The following AQR variants were observed in gnomAD, a reference collection of about 807,000 sequenced individuals.
AQR encodes the protein RNA helicase aquarius.
AQR carries 61 observed loss-of-function variants against 180.5 expected under a neutral mutation model. The ratio of observed to expected loss-of-function variants is 0.34; its 90% CI spans 0.28 to 0.42. The LOEUF (loss-of-function observed/expected upper bound fraction) is 0.42, where lower values mean the gene tolerates loss of function less well. AQR is among the 10% of genes least tolerant of loss of function. AQR has a pLI of 1.00. For missense variants in AQR, 1,281 were observed against 1,798.3 expected, an observed-to-expected ratio of 0.71 and a Z score of 5.20; for synonymous variants, 551 against 588.8, an observed-to-expected ratio of 0.94 and a Z score of 0.93.
chr15:34,882,185 G>T (rs1892981116), intron 27 of AQR, among the ~76,000 whole-genome samples: 1 of 151,572 alleles, frequency 6.6e-6, no homozygotes, highest in African/African-American at 2.4e-5. Context: ...TTTTTAATTA[G>T]GTGAATTTTA....
chr15:34,895,480 C>G (rs539154713), intron 22 of AQR, among the ~76,000 whole-genome samples: 2 of 151,526 alleles, frequency 1.3e-5, no homozygotes, highest in South Asian at 4.2e-4. Flanking sequence ...TCAAATATAA[C>G]GACAAGTAGA....
rs181184879 is a variant in AQR at position 34,928,182 on chromosome 15, G to T, written c.1015-1044C>A. On this transcript the variant is annotated intron_variant, in intron 12 of 34. Coordinates refer to ENST00000156471, the MANE Select transcript of AQR (RefSeq NM_014691.3). The stretch of plus-strand genomic sequence containing the variant: ...TCTCCACATACCTAGTAGGAAAGAA[G>T]AAAAACAGAGATTTTTTTTTTTCAC... Among the ~76,000 whole-genome samples, 131 of 151,978 alleles carry T rather than the reference G, an allele frequency of 8.6e-4. 1 individual carries two copies. The highest frequency in any genetic ancestry group is 5.8e-3 in the South Asian group (28 of 4,806).
At chr15:34,906,400 C>T in intron 18 of AQR, 145 bp downstream of exon 18, 4 of 925,124 alleles carry the variant, frequency 4.3e-6, no homozygotes, top group Non-Finnish European at 6.3e-6. Context: ...CGGTAGGTAC[C>T]CTACACATAT....
At chr15:34,924,919 T>TAA (rs34745223) in intron 13 of AQR, among the ~76,000 whole-genome samples, 4 of 134,012 alleles carry the variant, frequency 3.0e-5, no homozygotes, top group Non-Finnish European at 6.3e-5. Flanking sequence ...AAGCTAAATG[T>TAA]AAAAAAAAAA....
chr15:34,931,113 G>A (rs974798882), intron 11 of AQR, among the ~76,000 whole-genome samples: 2 of 152,150 alleles, frequency 1.3e-5, no homozygotes, highest in Admixed American at 1.3e-4. Flanking sequence ...TGGGATTACA[G>A]GAGTGAGCCA....
intron 30 of AQR, among the ~76,000 whole-genome samples, chr15:34,873,454 T>A (rs1892850603): frequency 6.6e-6 from 1 of 152,074 alleles, no homozygotes; most frequent in African/African-American, 2.4e-5. Context: ...TAAAACAATT[T>A]ATGAGTTCTA....
At chr15:34,874,656 T>G (rs1184554265) in intron 29 of AQR, 21 bp downstream of exon 29, 1 of 1,611,328 alleles carries the variant, frequency 6.2e-7, no homozygotes, top group African/African-American at 1.3e-5. Context: ...TGGGAATGAT[T>G]TTTTTTCCTG....
intron 10 of AQR, 47 bp from the exon 11 acceptor site, chr15:34,932,481 C>T: frequency 1.5e-6 from 2 of 1,327,352 alleles, no homozygotes; most frequent in Non-Finnish European, 2.1e-6. Flanking sequence ...CTATTCTCCA[C>T]AGCTAGAAGT....
chr15:34,950,058 C>T lies in AQR; in HGVS notation c.210-1674G>A, dbSNP rs367940056. On this transcript the variant is annotated intron_variant, in intron 4 of 34. Coordinates refer to ENST00000156471, the MANE Select transcript of AQR (RefSeq NM_014691.3). ...TACCTTATTTTCCTTTCGTATTTTTCATTTTTACTTCTCTTTGCTATTTTC... is the reference window on the plus strand; with the variant it reads ...TACCTTATTTTCCTTTCGTATTTTTTATTTTTACTTCTCTTTGCTATTTTC... 1.4e-4 allele frequency among the ~76,000 whole-genome samples: 20 copies of T among 138,530 alleles called. No homozygotes were observed. The East Asian group carries it at 4.1e-3, about 28-fold the overall frequency. The allele number at this position is 138,530 out of a possible 152,430, so 90.9% of individuals were successfully genotyped here.
chr15:34,865,769 T>C (rs1892731005), intron 32 of AQR, among the ~76,000 whole-genome samples: 2 of 152,312 alleles, frequency 1.3e-5, no homozygotes, highest in South Asian at 2.1e-4. Flanking sequence ...ACAATGAACC[T>C]TGAACATATG....
intron 4 of AQR, among the ~76,000 whole-genome samples, chr15:34,951,531 C>T (rs146861063): frequency 0.053 from 8,011 of 152,062 alleles, 322 homozygotes; most frequent in African/African-American, 0.11. Context: ...ATTAGCCAGG[C>T]GTGATGGCGC....
chr15:34,915,835 A>T (rs71464885), intron 15 of AQR, among the ~76,000 whole-genome samples: 4 of 151,880 alleles, frequency 2.6e-5, no homozygotes, highest in Non-Finnish European at 5.9e-5. Context: ...AATCCCAGCT[A>T]CTCAGGAGGC....
chr15:34,951,897 T>C (rs923149395), intron 4 of AQR, among the ~76,000 whole-genome samples: 1 of 152,100 alleles, frequency 6.6e-6, no homozygotes, highest in Non-Finnish European at 1.5e-5. Context: ...CTAGCCTCAG[T>C]TTTCTCCCCT....
Position 34,904,397 on chromosome 15 carries a change from T to A in AQR, c.1940A>T (p.Glu647Val). The change falls in exon 19 of 35, where the codon GAG (glutamate) becomes GTG (valine). Residue 647 changes from glutamate (E) to valine (V), a missense_variant. By Grantham distance (121) the Glu-to-Val change is moderately radical. Around this residue, in one of 9 missense-constraint regions of AQR, gnomAD observed 200 missense variants for 293.4 expected, o/e 0.68. Transcript: ENST00000156471. The part of the protein sequence containing the change: ...DMTNTIQNGA[E>V]DVYETFNIIM... The stretch of plus-strand genomic sequence containing the variant: ...TATATTAAAAGTTTCATACACATCC[T>A]CTGCTCCATTTTGTATAGTATTGGT... 1 of 1,610,284 alleles carries A rather than the reference T, an allele frequency of 6.2e-7. No individual in the cohort carries two copies. The highest frequency in any genetic ancestry group is 8.5e-7 in the Non-Finnish European group (1 of 1,177,802).
chr15:34,869,911 T>C (rs1208476284), intron 31 of AQR: 1 of 152,234 alleles, frequency 6.6e-6, no homozygotes, highest in Non-Finnish European at 1.5e-5. Context: ...ACATGGTTTC[T>C]GGAGCATGTA....
rs1211799552 is a variant in AQR at position 34,857,056 on chromosome 15, T to A, written c.4194A>T (p.Gln1398His). The A allele has an allele frequency of 6.2e-7, 1 of 1,613,072 alleles. No homozygotes were observed. The highest frequency in any genetic ancestry group is 2.2e-5 in the East Asian group (1 of 44,866). Residue 1398 changes from glutamine to histidine, a missense_variant, in exon 35 of 35, where the codon CAA becomes CAT. Transcript: ENST00000156471. ...PAMVEEGEEV[Q>H]NQETELETEE... is the part of the protein sequence containing the mutation. The stretch of plus-strand genomic sequence containing the variant: ...CTGTTTCCAATTCTGTTTCTTGATT[T>A]TGAACTTCCTCACCCTCTTCTACCA...
chr15:34,892,428 G>A (rs939620176), intron 23 of AQR, among the ~76,000 whole-genome samples: 1 of 152,186 alleles, frequency 6.6e-6, no homozygotes, highest in Non-Finnish European at 1.5e-5. Flanking sequence ...TTCTAGTTTA[G>A]TGTAGAAGGA....
At position 34,893,644 on chromosome 15, in the gene AQR, C is replaced by T. The variant is rs763343378; in HGVS notation, c.2571+19G>A. ...ACACACACACACACACACACACACACACACACACAGTCATTTACCTGATTG... is the reference window on the plus strand; with the variant it reads ...ACACACACACACACACACACACACATACACACACAGTCATTTACCTGATTG... On this transcript the variant is annotated intron_variant, in intron 23 of 34. Coordinates refer to ENST00000156471, the MANE Select transcript of AQR (RefSeq NM_014691.3). The T allele has an allele frequency of 1.6e-5, 25 of 1,586,478 alleles. No homozygotes were observed. Among genetic ancestry groups the T allele is most frequent in the South Asian group, 2.2e-5 (2 of 90,486 alleles).
At chr15:34,929,885 T>C (rs926541355) in intron 12 of AQR, among the ~76,000 whole-genome samples, 1 of 152,220 alleles carries the variant, frequency 6.6e-6, no homozygotes, top group Non-Finnish European at 1.5e-5. Context: ...TGAATTACAT[T>C]GGTAAATTTC....
Sources: allele counts gnomAD v4.1 joint callset (sites outside exome capture counted in the v4.1 genomes callset), GRCh38; gene constraint gnomAD v4.1.1; regional missense constraint gnomAD v4.1.1; transcripts MANE v1.5; gene names NCBI Gene and HGNC (gene_info 2026-07-23, HGNC 2026-07-21).